The following CHRD variants were observed in gnomAD, a reference collection of about 807,000 sequenced individuals.
CHRD encodes the protein chordin.
Under a neutral mutation model 113.7 loss-of-function variants are expected in CHRD, and 69 were observed. The ratio of observed to expected loss-of-function variants is 0.61; its 90% CI spans 0.50 to 0.74. CHRD has a LOEUF of 0.74. Ranked by LOEUF, CHRD falls within the 30% of genes least tolerant of loss-of-function variation. The pLI, the probability that CHRD is intolerant of heterozygous loss-of-function variation, is 0.00. For synonymous variants in CHRD, 561 were observed against 540.8 expected, an observed-to-expected ratio of 1.04 and a Z score of -0.52; for missense variants, 1,194 against 1,295.8, an observed-to-expected ratio of 0.92 and a Z score of 1.21.
In CHRD at chr3:184,381,014, T is replaced by G. The variant is rs1715273182; in HGVS notation, c.252+219T>G. The G allele has an allele frequency of 1.4e-6, 1 of 740,184 alleles. No homozygotes were observed. Among genetic ancestry groups the G allele is most frequent in the Non-Finnish European group, 2.4e-6 (1 of 419,734 alleles). 45.9% of individuals were successfully genotyped at this position (740,184 alleles called of 1,614,324 possible). ...TCTGTGCCAACTCCGTTTCGTTCCC[T>G]GCTCATCTAACTCTCATGGCAGCCT... is the stretch of plus-strand genomic sequence containing the variant. On this transcript the variant is annotated intron_variant, in intron 2 of 22. Transcript: ENST00000204604. This position sits in a 1 kb window ranked among gnomAD's most constrained non-coding sequence, Gnocchi z 4.7.
exon 16 of CHRD, chr3:184,386,547 C>T: frequency 3.3e-6 from 5 of 1,536,786 alleles, no homozygotes; most frequent in Non-Finnish European, 4.4e-6. Context: ...GCGGCCGGGG[C>T]CGAGGGGGTG....
intron 17 of CHRD, 39 bp downstream of exon 17, chr3:184,386,977 C>T: frequency 6.2e-7 from 1 of 1,614,046 alleles, no homozygotes; most frequent in Non-Finnish European, 8.5e-7. Flanking sequence ...GGAGTTGGCC[C>T]AGTGCGGACA....
exon 12 of CHRD, chr3:184,383,573 C>G: frequency 1.2e-6 from 2 of 1,614,074 alleles, no homozygotes; most frequent in South Asian, 2.2e-5. Context: ...CACTGGAGAC[C>G]AAGCCTCAGC....
Position 184,388,089 on chromosome 3 carries a change from C to T in CHRD, c.2554+56C>T. 6.7e-7 allele frequency: 1 copy of T among 1,482,304 alleles called. No individual in the cohort carries two copies. Among genetic ancestry groups the T allele is most frequent in the Non-Finnish European group, 9.3e-7 (1 of 1,070,708 alleles). 91.8% of individuals were successfully genotyped at this position (1,482,304 alleles called of 1,614,324 possible). On this transcript the variant is annotated intron_variant, in intron 20 of 22. Coordinates refer to ENST00000204604, the Ensembl canonical transcript of CHRD. This position sits in a 1 kb window ranked among gnomAD's most constrained non-coding sequence, Gnocchi z 6.1. ...ACCTTTGGGTTGAGGCAGGCTTTGT[C>T]CTGGGTGAGGGGAAGGGTGCTCAGT...
chr3:184,389,542 C>A, exon 23 of CHRD: 1 of 844,680 alleles, frequency 1.2e-6, no homozygotes, highest in Non-Finnish European at 1.9e-6. Context: ...TCTGTCCTGC[C>A]TCTACTCCCA....
rs781192276 is a variant in CHRD at position 184,380,692 on chromosome 3, G to T, written c.149G>T (p.Gly50Val). 6.3e-7 allele frequency: 1 copy of T among 1,584,708 alleles called. No homozygotes were observed. The highest frequency in any genetic ancestry group is 1.4e-5 in the African/African-American group (1 of 72,288). The change falls in exon 2 of 23, where the codon GGC (glycine) becomes GTC (valine). Residue 50 changes from glycine to valine, a missense_variant and splice_region_variant. Physicochemically the swap from Gly to Val is moderately radical, Grantham distance 109. Transcript: ENST00000204604. The surrounding 1 kb of genome is among the most constrained non-coding windows in gnomAD (Gnocchi z 6.3). ...CCTCCAGCCAAGCCCGTCCCCGCAGGCTGCACCTTCGGCGGGAAGGTCTAT... is the reference window on the plus strand; with the variant it reads ...CCTCCAGCCAAGCCCGTCCCCGCAGTCTGCACCTTCGGCGGGAAGGTCTAT...
In CHRD at chr3:184,388,246, TCCA is replaced by T. The variant is rs779887503; in HGVS notation, c.2554+214_2554+216del. ...CCTGCTCCATCCATCCGTCCATCCA[TCCA>T]TCCATCCATCCATCCATCCATCCAT... On this transcript the variant is annotated intron_variant, in intron 20 of 22. Transcript: ENST00000204604. This position sits in a 1 kb window ranked among gnomAD's most constrained non-coding sequence, Gnocchi z 6.1. Among the ~76,000 whole-genome samples, 10,782 of 126,394 alleles carry T rather than the reference TCCA, an allele frequency of 0.085. 441 individuals are homozygous for T. The highest frequency in any genetic ancestry group is 0.16 in the East Asian group (576 of 3,592). 82.9% of individuals were successfully genotyped at this position (126,394 alleles called of 152,430 possible). A position where few individuals can be genotyped will look rare whatever the true frequency, so the allele number is the denominator to read the frequency against.
chr3:184,388,057 AG>A lies in CHRD; in HGVS notation c.2554+26del. The A allele has an allele frequency of 1.2e-6, 2 of 1,601,436 alleles. No homozygotes were observed. The highest frequency in any genetic ancestry group is 3.4e-5 in the Admixed American group (2 of 58,726). ...AGGTGAGAGAGGTGGCTGAGCACTG[AG>A]GCCTCACCTTTGGGTTGAGGCAGGC... On this transcript the variant is annotated intron_variant, in intron 20 of 22. Transcript: ENST00000204604. The surrounding 1 kb of genome is among the most constrained non-coding windows in gnomAD (Gnocchi z 6.1).
chr3:184,383,739 T>C, intron 12 of CHRD, 97 bp downstream of exon 12: 1 of 1,148,986 alleles, frequency 8.7e-7, no homozygotes, highest in South Asian at 1.6e-5. Context: ...ATCCACTCAC[T>C]CATGGGTTCT....
In CHRD at chr3:184,388,994, GCGT is replaced by G. The variant is rs769209951; in HGVS notation, c.2812_2812+2del. 6.2e-7 allele frequency: 1 copy of G among 1,607,462 alleles called. No homozygotes were observed. The highest frequency in any genetic ancestry group is 1.7e-5 in the Admixed American group (1 of 59,994). On this transcript the variant is annotated splice_donor_variant and coding_sequence_variant, in exon 22 of 23. Transcript: ENST00000204604. LOFTEE classifies it high-confidence loss of function. This position sits in a 1 kb window ranked among gnomAD's most constrained non-coding sequence, Gnocchi z 6.1. ...GTTCCCGCTGCACGGCCCACCGGCG[GCGT>G]AAGTGAGGGAGTCCAGGGTCAGCAG...
chr3:184,385,338 G>A (rs1716115540), intron 14 of CHRD, 100 bp downstream of exon 14: 1 of 824,160 alleles, frequency 1.2e-6, no homozygotes. Context: ...CAGGCAGCCT[G>A]GTATAGAAGA....
rs1716045194 is a variant in CHRD, at chr3:184,384,908, A to G, written c.1598-110A>G. On this transcript the variant is annotated intron_variant, in intron 13 of 22. Coordinates refer to ENST00000204604, the Ensembl canonical transcript of CHRD. The surrounding 1 kb of genome is among the most constrained non-coding windows in gnomAD (Gnocchi z 4.4). ...TGCTCTCCAGGCCCTGGACCTATGG[A>G]CAGTGTCTTCCAGCTCGTGGAATGT... The G allele has an allele frequency of 7.7e-7, 1 of 1,295,598 alleles. No homozygotes were observed. Among genetic ancestry groups the G allele is most frequent in the Admixed American group, 1.8e-5 (1 of 56,210 alleles). The allele number at this position is 1,295,598 out of a possible 1,614,324, so 80.3% of individuals were successfully genotyped here. A position where few individuals can be genotyped will look rare whatever the true frequency, so the allele number is the denominator to read the frequency against.
chr3:184,388,790 C>T lies in CHRD; in HGVS notation c.2709+49C>T. 6.2e-7 allele frequency: 1 copy of T among 1,609,808 alleles called. No homozygotes were observed. The highest frequency in any genetic ancestry group is 1.3e-5 in the African/African-American group (1 of 74,994). ...GTGAGGTGGGTACTGGGAGCCTGGT[C>T]TGGAGTAGGGAGACCTTCCCAGGGA... On this transcript the variant is annotated intron_variant, in intron 21 of 22. Coordinates refer to ENST00000204604, the Ensembl canonical transcript of CHRD. This position sits in a 1 kb window ranked among gnomAD's most constrained non-coding sequence, Gnocchi z 6.1.
rs750573985 is a variant in CHRD at position 184,388,640 on chromosome 3, C to T, written c.2608C>T (p.Arg870Trp). The T allele has an allele frequency of 3.0e-5, 48 of 1,613,346 alleles. No homozygotes were observed. Among genetic ancestry groups the T allele is most frequent in the East Asian group, 4.5e-5 (2 of 44,890 alleles). ...GGACCCCATGCAGGCTGATGGGCCC[C>T]GGGGCTGCCGTTTTGCTGGGCAGTG... The change falls in exon 21 of 23, where the codon CGG (arginine) becomes TGG (tryptophan). Residue 870 changes from arginine to tryptophan, a missense_variant. Transcript: ENST00000204604. This position sits in a 1 kb window ranked among gnomAD's most constrained non-coding sequence, Gnocchi z 6.1.
At position 184,381,304 on chromosome 3, in the gene CHRD, A is replaced by G; in HGVS notation, c.322A>G (p.Thr108Ala). ...CAAGAACATCAAACCAGAGTGCCCA[A>G]CCCCGGCCTGTGGGCAGCCGCGCCA... Residue 108 changes from threonine to alanine, a missense_variant, in exon 3 of 23, where the codon ACC (threonine) becomes GCC (alanine). Thr to Ala is a moderately conservative substitution (Grantham distance 58, BLOSUM62 0). Coordinates refer to ENST00000204604, the Ensembl canonical transcript of CHRD. The surrounding 1 kb of genome is among the most constrained non-coding windows in gnomAD (Gnocchi z 4.7). 2 of 1,610,684 alleles carry G rather than the reference A, an allele frequency of 1.2e-6. No individual in the cohort carries two copies. Among genetic ancestry groups the G allele is most frequent in the Non-Finnish European group, 1.7e-6 (2 of 1,179,022 alleles).
chr3:184,387,123 G>A lies in CHRD; in HGVS notation c.2347+16G>A. On this transcript the variant is annotated intron_variant, in intron 18 of 22. Transcript: ENST00000204604. The surrounding 1 kb of genome is among the most constrained non-coding windows in gnomAD (Gnocchi z 6.1). ...CCAGGAGAGGGTGAGCTGGAAGGGT[G>A]CGTGCAGGGTGGGAGGCCCCAGAGG... 1 of 1,612,916 alleles carries A rather than the reference G, an allele frequency of 6.2e-7. No individual in the cohort carries two copies. Among genetic ancestry groups the A allele is most frequent in the Non-Finnish European group, 8.5e-7 (1 of 1,178,866 alleles).
intron 22 of CHRD, 125 bp downstream of exon 22, chr3:184,389,120 T>C: frequency 1.4e-6 from 1 of 713,838 alleles, no homozygotes. Flanking sequence ...CAAGTGCCAT[T>C]CCAATCCACC....
At position 184,380,396 on chromosome 3, in the gene CHRD, C is replaced by A; in HGVS notation, c.78C>A (p.Gly26=). The change falls in exon 1 of 23, where the codon GGC becomes GGA. Residue 26 remains glycine (G), a synonymous_variant. Coordinates refer to ENST00000204604, the Ensembl canonical transcript of CHRD. This position sits in a 1 kb window ranked among gnomAD's most constrained non-coding sequence, Gnocchi z 6.3. ...TGCTCGGCTCCCGGCCGGCCCGCGG[C>A]GCCGGCCCAGAGCCCCCCGTGCTGC... 1 of 1,341,642 alleles carries A rather than the reference C, an allele frequency of 7.5e-7. No homozygotes were observed. The highest frequency in any genetic ancestry group is 9.6e-7 in the Non-Finnish European group (1 of 1,037,206). 83.1% of individuals were successfully genotyped at this position (1,341,642 alleles called of 1,614,324 possible).
Position 184,381,524 on chromosome 3 carries a change from C to T in CHRD, c.411C>T (p.Ser137=), listed in dbSNP as rs765566662. 1 of 1,601,454 alleles carries T rather than the reference C, an allele frequency of 6.2e-7. No homozygotes were observed. The highest frequency in any genetic ancestry group is 8.5e-7 in the Non-Finnish European group (1 of 1,174,456). Residue 137 remains serine, a synonymous_variant, in exon 4 of 23, where the codon AGC becomes AGT. Transcript: ENST00000204604. This position sits in a 1 kb window ranked among gnomAD's most constrained non-coding sequence, Gnocchi z 4.7. ...GCAGCAGTTCGGAGCGGCAGCCGAG[C>T]GGCCTGTCCTTCGAGTATCCGCGGG... is the stretch of plus-strand genomic sequence containing the variant.
Sources: gnomAD v4.1 joint callset for allele counts (sites outside exome capture counted in the v4.1 genomes callset) on GRCh38, gnomAD v4.1.1 for gene constraint, Gnocchi (gnomAD v3.1) non-coding constraint, MANE v1.5 for transcripts, NCBI Gene and HGNC (gene_info 2026-07-23, HGNC 2026-07-21) for gene names.